TMEM132C: variants seen among roughly 807,000 people sequenced by gnomAD.
TMEM132C encodes the protein protein phosphatase 1, regulatory subunit 152.
A neutral mutation model predicts 61.4 loss-of-function variants in TMEM132C; 29 were observed. The observed-to-expected ratio is 0.47, with a 90% CI of 0.35 to 0.64. The LOEUF is 0.64. Among genes scored for constraint, TMEM132C ranks in the 30% least tolerant of loss-of-function variants. TMEM132C has a pLI of 0.00. For synonymous variants in TMEM132C, 656 were observed against 633.1 expected, an observed-to-expected ratio of 1.04 and a Z score of -0.54; for missense variants, 1,408 against 1,476.9, an observed-to-expected ratio of 0.95 and a Z score of 0.76.
chr12:128,404,284 G>C (rs959116758), intron 1 of TMEM132C, among the ~76,000 whole-genome samples: 5 of 152,142 alleles, frequency 3.3e-5, no homozygotes, highest in Middle Eastern at 3.2e-3. Context: ...TTGTATATTT[G>C]TGGGCATCCA....
chr12:128,325,444 G>C (rs902421881), intron 1 of TMEM132C, among the ~76,000 whole-genome samples: 2 of 151,792 alleles, frequency 1.3e-5, no homozygotes, highest in African/African-American at 4.8e-5. Context: ...AAAATACATG[G>C]GTGTCTCTGT....
intron 1 of TMEM132C, among the ~76,000 whole-genome samples, chr12:128,317,384 G>C (rs1040108641): frequency 6.6e-6 from 1 of 152,166 alleles, no homozygotes; most frequent in African/African-American, 2.4e-5. Context: ...TCCGGATCTT[G>C]GTACTGGATG....
chr12:128,440,886 C>CA (rs771319201), intron 2 of TMEM132C, among the ~76,000 whole-genome samples: 43 of 151,958 alleles, frequency 2.8e-4, no homozygotes, highest in Non-Finnish European at 4.7e-4. Flanking sequence ...CCATCTCTAC[C>CA]AAAAATACAA....
Position 128,467,129 on chromosome 12 carries a change from G to A in TMEM132C, c.974+51509G>A, listed in dbSNP as rs1870761333. On this transcript the variant is annotated intron_variant, in intron 2 of 8. Transcript: ENST00000435159. ...ATTGGGAACTCATGGCGTTCATAGT[G>A]CAAGCATCAGACATGTTGCTAATTT... Among the ~76,000 whole-genome samples the A allele has an allele frequency of 2.0e-5, 3 of 152,300 alleles. No individual in the cohort carries two copies. In the South Asian group the frequency reaches 6.2e-4, roughly 32 times the overall value.
At chr12:128,568,039 G>T (rs930287777) in intron 3 of TMEM132C, among the ~76,000 whole-genome samples, 15 of 152,094 alleles carry the variant, frequency 9.9e-5, no homozygotes, top group Non-Finnish European at 1.9e-4. Context: ...TGGACCTCAT[G>T]CAGAGACATT....
At chr12:128,339,270 C>CA (rs1872883711) in intron 1 of TMEM132C, among the ~76,000 whole-genome samples, 1 of 147,904 alleles carries the variant, frequency 6.8e-6, no homozygotes, top group Non-Finnish European at 1.5e-5. Context: ...TTACAGAGGG[C>CA]TTTTTTTTTT....
chr12:128,575,049 T>C (rs1468907749), intron 3 of TMEM132C, among the ~76,000 whole-genome samples: 12 of 152,246 alleles, frequency 7.9e-5, no homozygotes, highest in Admixed American at 7.8e-4. Flanking sequence ...AATTCCTCGC[T>C]GTGTCTTTCT....
intron 1 of TMEM132C, among the ~76,000 whole-genome samples, chr12:128,305,179 C>A (rs1871727047): frequency 1.3e-5 from 2 of 151,918 alleles, no homozygotes. Flanking sequence ...AGGAGTTCGG[C>A]CTCGGCAACA....
chr12:128,320,015 T>C (rs1238908228), intron 1 of TMEM132C, among the ~76,000 whole-genome samples: 1 of 152,026 alleles, frequency 6.6e-6, no homozygotes, highest in Non-Finnish European at 1.5e-5. Context: ...ATCTCAAGGA[T>C]ATTGAAAAAG....
intron 2 of TMEM132C, among the ~76,000 whole-genome samples, chr12:128,442,414 G>A (rs1369392639): frequency 2.0e-5 from 3 of 152,216 alleles, no homozygotes; most frequent in African/African-American, 7.2e-5. Context: ...ACCATCTGGA[G>A]AGAGAGAGTG....
At chr12:128,468,723 C>G (rs1343726588) in intron 2 of TMEM132C, among the ~76,000 whole-genome samples, 1 of 152,200 alleles carries the variant, frequency 6.6e-6, no homozygotes. Flanking sequence ...CAAAATGTCT[C>G]ATGTGTACCA....
In TMEM132C at chr12:128,293,082, G is replaced by A. The variant is rs997253006; in HGVS notation, c.85+25595G>A. 3.3e-5 allele frequency among the ~76,000 whole-genome samples: 5 copies of A among 151,930 alleles called. No homozygotes were observed. The East Asian group carries it at 9.6e-4, about 29-fold the overall frequency. ...GATAATAGTTCAGCTTTTTGTGAAC[G>A]GTAAGGAGTGTGCAAATCTGAACCT... On this transcript the variant is annotated intron_variant, in intron 1 of 8. Transcript: ENST00000435159.
chr12:128,700,340 C>T (rs1954795177), intron 8 of TMEM132C, among the ~76,000 whole-genome samples: 10 of 152,212 alleles, frequency 6.6e-5, no homozygotes, highest in Admixed American at 5.9e-4. Flanking sequence ...CCTGATGAAA[C>T]ACTACATTCC....
At chr12:128,503,116 A>G (rs1263223055) in intron 2 of TMEM132C, among the ~76,000 whole-genome samples, 1 of 152,200 alleles carries the variant, frequency 6.6e-6, no homozygotes, top group Admixed American at 6.5e-5. Context: ...TCAAGGCCTT[A>G]CTTTCGATGC....
At chr12:128,645,676 G>A (rs1190345385) in intron 4 of TMEM132C, among the ~76,000 whole-genome samples, 1 of 152,224 alleles carries the variant, frequency 6.6e-6, no homozygotes, top group Non-Finnish European at 1.5e-5. Flanking sequence ...TGGTTCCTTT[G>A]AGATGCCAGT....
At position 128,695,974 on chromosome 12, in the gene TMEM132C, T is replaced by C. The variant is rs1009014033; in HGVS notation, c.1800T>C (p.Leu600=). Residue 600 remains leucine (L), a synonymous_variant, in exon 7 of 9, where the codon CTT becomes CTC. Coordinates refer to ENST00000435159, the MANE Select transcript of TMEM132C (RefSeq NM_001136103.3). ...AGPWGQPNYL[L]SPNWQFDITH... ...CATGGGGCCAGCCGAACTACCTGCT[T>C]AGTCCTAACTGGCAGTTCGACATCA... 5.2e-5 allele frequency: 80 copies of C among 1,551,652 alleles called. No individual in the cohort carries two copies. In the Admixed American group the frequency reaches 1.5e-3, roughly 30 times the overall value.
chr12:128,625,293 A>G (rs1450215110), intron 4 of TMEM132C, among the ~76,000 whole-genome samples: 2 of 152,252 alleles, frequency 1.3e-5, no homozygotes, highest in African/African-American at 4.8e-5. Context: ...GTTCAAGATC[A>G]GCAGGTTCAG....
Position 128,705,323 on chromosome 12 carries a change from G to T in TMEM132C, c.2355G>T (p.Lys785Asn), listed in dbSNP as rs2135663811. The change falls in exon 9 of 9, where the codon AAG becomes AAT. Residue 785 changes from lysine to asparagine, a missense_variant. Coordinates refer to ENST00000435159, the MANE Select transcript of TMEM132C (RefSeq NM_001136103.3). Reference sequence around the variant, plus strand: ...AGGCCTGCCAGAAATCTAAACGCAAGAGCATCCTGGCTGTGGGCGTCGGCA... The same window carrying T: ...AGGCCTGCCAGAAATCTAAACGCAATAGCATCCTGGCTGTGGGCGTCGGCA... ...IAEACQKSKRKSILAVGVGNV... is the reference protein window; with the variant it reads ...IAEACQKSKRNSILAVGVGNV... 1 of 1,551,402 alleles carries T rather than the reference G, an allele frequency of 6.4e-7. No homozygotes were observed. Among genetic ancestry groups the T allele is most frequent in the African/African-American group, 1.4e-5 (1 of 73,174 alleles).
At chr12:128,606,702 G>A (rs1039101926) in intron 3 of TMEM132C, among the ~76,000 whole-genome samples, 7 of 152,104 alleles carry the variant, frequency 4.6e-5, no homozygotes, top group Non-Finnish European at 1.0e-4. Context: ...CTACCTGCCT[G>A]GCTTCCAAAG....
Sources: allele counts gnomAD v4.1 joint callset (sites outside exome capture counted in the v4.1 genomes callset), GRCh38; gene constraint gnomAD v4.1.1; transcripts MANE v1.5; gene names NCBI Gene and HGNC (gene_info 2026-07-23, HGNC 2026-07-21).